PREX2: variants seen among roughly 807,000 people sequenced by gnomAD.
PREX2 encodes the protein phosphatidylinositol 3,4,5-trisphosphate-dependent Rac exchanger 2 protein.
Under a neutral mutation model 203.2 loss-of-function variants are expected in PREX2, and 107 were observed. The observed-to-expected ratio is 0.53, with a 90% CI of 0.45 to 0.62. The LOEUF (loss-of-function observed/expected upper bound fraction) is 0.62. Among genes scored for constraint, PREX2 ranks in the 20% least tolerant of loss-of-function variants. The pLI, the probability that PREX2 is intolerant of heterozygous loss-of-function variation, is 0.00. For synonymous variants in PREX2, 672 were observed against 663.6 expected, an observed-to-expected ratio of 1.01 and a Z score of -0.19; for missense variants, 1,777 against 1,955.9, an observed-to-expected ratio of 0.91 and a Z score of 1.72.
At chr8:67,989,879 C>T (rs943180897) in intron 1 of PREX2, among the ~76,000 whole-genome samples, 2 of 152,144 alleles carry the variant, frequency 1.3e-5, no homozygotes, top group Non-Finnish European at 2.9e-5. Flanking sequence ...CTGATAGATT[C>T]AAAATGCAGG....
chr8:68,043,816 A>G (rs890999449), intron 7 of PREX2, among the ~76,000 whole-genome samples: 1 of 152,058 alleles, frequency 6.6e-6, no homozygotes, highest in Non-Finnish European at 1.5e-5. Flanking sequence ...TCATCTGTAA[A>G]GCTGGATTTT....
At position 68,217,673 on chromosome 8, in the gene PREX2, G is replaced by T; in HGVS notation, c.4662G>T (p.Leu1554=). ...QAIILARSHG[L]PPRYIMQATD... Reference sequence around the variant, plus strand: ...TCATTCTGGCCAGAAGCCACGGACTGCCACCTCGTTACATCATGCAGGCTA... The same window carrying T: ...TCATTCTGGCCAGAAGCCACGGACTTCCACCTCGTTACATCATGCAGGCTA... The change falls in exon 38 of 40, where the codon CTG becomes CTT. Residue 1554 remains leucine (L), a synonymous_variant. Coordinates refer to ENST00000288368, the MANE Select transcript of PREX2 (RefSeq NM_024870.4). The T allele has an allele frequency of 6.2e-7, 1 of 1,614,106 alleles. No individual in the cohort carries two copies. The highest frequency in any genetic ancestry group is 8.5e-7 in the Non-Finnish European group (1 of 1,179,970).
intron 32 of PREX2, among the ~76,000 whole-genome samples, chr8:68,136,879 C>A (rs1033408699): frequency 1.3e-5 from 2 of 151,942 alleles, no homozygotes; most frequent in Non-Finnish European, 2.9e-5. Flanking sequence ...ACTGATGCTG[C>A]CCCCAGATTT....
At chr8:68,151,936 A>T (rs1011011663) in intron 34 of PREX2, among the ~76,000 whole-genome samples, 2 of 145,608 alleles carry the variant, frequency 1.4e-5, no homozygotes, top group Admixed American at 6.8e-5. Context: ...AAACATTGTC[A>T]TTTTCTAAGT....
chr8:68,105,605 G>A (rs186508027), intron 23 of PREX2: 30 of 1,081,938 alleles, frequency 2.8e-5, no homozygotes, highest in Middle Eastern at 4.3e-4. Context: ...TGGCTTTTAC[G>A]TGCATTATAT....
intron 39 of PREX2, among the ~76,000 whole-genome samples, chr8:68,229,291 G>A (rs977838778): frequency 6.6e-6 from 1 of 152,244 alleles, no homozygotes; most frequent in East Asian, 1.9e-4. Context: ...TTCGTGCAGG[G>A]CCACTGATGT....
At chr8:68,035,265 A>T (rs1367373193) in intron 6 of PREX2, among the ~76,000 whole-genome samples, 1 of 152,024 alleles carries the variant, frequency 6.6e-6, no homozygotes, top group East Asian at 1.9e-4. Flanking sequence ...TGCTTCATCA[A>T]TTTTTTAAGA....
intron 11 of PREX2, among the ~76,000 whole-genome samples, chr8:68,063,368 C>T (rs1377149331): frequency 6.6e-6 from 1 of 151,984 alleles, no homozygotes; most frequent in East Asian, 1.9e-4. Context: ...CAGCCAAGGA[C>T]ATGTACACAA....
intron 1 of PREX2, among the ~76,000 whole-genome samples, chr8:68,012,162 T>C (rs1032512705): frequency 6.6e-6 from 1 of 152,206 alleles, no homozygotes; most frequent in Non-Finnish European, 1.5e-5. Flanking sequence ...TGAAAATTCC[T>C]GAAGAACGCA....
At chr8:68,008,953 C>T (rs933364882) in intron 1 of PREX2, among the ~76,000 whole-genome samples, 5 of 152,206 alleles carry the variant, frequency 3.3e-5, no homozygotes, top group Admixed American at 1.3e-4. Flanking sequence ...AGTATGAAAA[C>T]GGACTGACAT....
At chr8:68,072,373 G>T in intron 13 of PREX2, 122 bp from the exon 14 acceptor site, 1 of 550,016 alleles carries the variant, frequency 1.8e-6, no homozygotes. Flanking sequence ...AACTAACTCA[G>T]GTTACAGTGG....
intron 23 of PREX2, among the ~76,000 whole-genome samples, chr8:68,106,578 A>T (rs1346102347): frequency 6.6e-6 from 1 of 152,132 alleles, no homozygotes; most frequent in African/African-American, 2.4e-5. Context: ...TAATACACAC[A>T]TTATACATGC....
At chr8:68,138,751 A>C (rs913157597) in intron 33 of PREX2, among the ~76,000 whole-genome samples, 2 of 152,198 alleles carry the variant, frequency 1.3e-5, no homozygotes, top group Admixed American at 1.3e-4. Context: ...TCTGCAAGTT[A>C]TCATTATCTA....
intron 37 of PREX2, among the ~76,000 whole-genome samples, chr8:68,199,008 C>G (rs1023946380): frequency 6.6e-6 from 1 of 152,128 alleles, no homozygotes; most frequent in African/African-American, 2.4e-5. Flanking sequence ...CTTTTATGTT[C>G]GTGCTTTGTT....
chr8:68,143,747 T>A (rs78246553), intron 33 of PREX2, among the ~76,000 whole-genome samples: 1 of 152,016 alleles, frequency 6.6e-6, no homozygotes. Context: ...TGGTGTTCTT[T>A]CTGAAAGTCA....
intron 4 of PREX2, 80 bp from the exon 5 acceptor site, chr8:68,027,142 T>A: frequency 9.8e-7 from 1 of 1,019,918 alleles, no homozygotes; most frequent in South Asian, 1.3e-5. Context: ...TTCACTAGTT[T>A]TTAGCATTTT....
At position 68,087,706 on chromosome 8, in the gene PREX2, A is replaced by G; in HGVS notation, c.2028-18A>G. The stretch of plus-strand genomic sequence containing the variant: ...TGATTCTTACGCTTCATCTTACCTT[A>G]TTTTCTGATTGATTTAGGACAGTGA... On this transcript the variant is annotated intron_variant, in intron 18 of 39. Transcript: ENST00000288368. 3 of 1,588,926 alleles carry G rather than the reference A, an allele frequency of 1.9e-6. No homozygotes were observed. The highest frequency in any genetic ancestry group is 2.6e-6 in the Non-Finnish European group (3 of 1,157,252).
At chr8:68,049,010 C>T (rs1201920706) in intron 8 of PREX2, among the ~76,000 whole-genome samples, 3 of 150,150 alleles carry the variant, frequency 2.0e-5, no homozygotes, top group African/African-American at 4.9e-5. Context: ...GTTTTTTTTT[C>T]TAATACATTT....
intron 14 of PREX2, among the ~76,000 whole-genome samples, 159 bp from the exon 15 acceptor site, chr8:68,077,238 A>G (rs1055704980): frequency 4.6e-5 from 7 of 152,220 alleles, no homozygotes; most frequent in African/African-American, 1.7e-4. Flanking sequence ...AATCAACTGA[A>G]TGTTTTGTAA....
Sources: allele counts gnomAD v4.1 joint callset (sites outside exome capture counted in the v4.1 genomes callset), GRCh38; gene constraint gnomAD v4.1.1; transcripts MANE v1.5; gene names NCBI Gene and HGNC (gene_info 2026-07-23, HGNC 2026-07-21).